The following GRM7 variants were observed in gnomAD, a reference collection of about 807,000 sequenced individuals.
The protein encoded by GRM7 is glutamate metabotropic receptor 7.
GRM7 carries 35 observed loss-of-function variants against 84.5 expected under a neutral mutation model. That is an observed-to-expected ratio of 0.41 (90% CI 0.32 to 0.55). The LOEUF (loss-of-function observed/expected upper bound fraction) is 0.55. GRM7 is among the 20% of genes least tolerant of loss of function. GRM7 has a pLI of 0.19. For missense variants in GRM7, 1,003 were observed against 1,194.6 expected, an observed-to-expected ratio of 0.84 and a Z score of 2.36; for synonymous variants, 487 against 455.1, an observed-to-expected ratio of 1.07 and a Z score of -0.89.
At chr3:6,911,858 A>T (rs1227494021) in intron 1 of GRM7, among the ~76,000 whole-genome samples, 1 of 152,232 alleles carries the variant, frequency 6.6e-6, no homozygotes, top group Non-Finnish European at 1.5e-5. Context: ...TGGAATTGAT[A>T]TGAAGCTAAG....
At chr3:7,113,702 G>A (rs538043406) in intron 1 of GRM7, among the ~76,000 whole-genome samples, 1 of 152,206 alleles carries the variant, frequency 6.6e-6, no homozygotes, top group South Asian at 2.1e-4. Flanking sequence ...TTAAATAATG[G>A]TGCATCTTAT....
At chr3:7,527,624 C>G (rs1324705621) in intron 7 of GRM7, among the ~76,000 whole-genome samples, 1 of 151,816 alleles carries the variant, frequency 6.6e-6, no homozygotes, top group Non-Finnish European at 1.5e-5. Context: ...GGGAATACTT[C>G]TATCTATCTG....
intron 1 of GRM7, among the ~76,000 whole-genome samples, chr3:6,932,403 T>C (rs1373188895): frequency 5.9e-5 from 9 of 152,146 alleles, no homozygotes; most frequent in Admixed American, 2.0e-4. Flanking sequence ...TATGTGAGCA[T>C]GAGTCTGCTG....
intron 5 of GRM7, among the ~76,000 whole-genome samples, chr3:7,447,137 G>A (rs1181982279): frequency 6.6e-6 from 1 of 152,146 alleles, no homozygotes; most frequent in Non-Finnish European, 1.5e-5. Context: ...ATGCTTCAGA[G>A]TTCTCATTTT....
chr3:7,099,453 GTACA>G (rs958761698), intron 1 of GRM7, among the ~76,000 whole-genome samples: 3 of 147,058 alleles, frequency 2.0e-5, no homozygotes, highest in Admixed American at 6.8e-5. Context: ...ATATGTACAT[GTACA>G]TACAAATACA....
At chr3:7,128,403 G>C (rs1173818196) in intron 1 of GRM7, among the ~76,000 whole-genome samples, 1 of 151,574 alleles carries the variant, frequency 6.6e-6, no homozygotes, top group Non-Finnish European at 1.5e-5. Context: ...GTCTGATCAT[G>C]ATGACATCTA....
intron 2 of GRM7, among the ~76,000 whole-genome samples, chr3:7,269,157 G>A (rs1054394486): frequency 7.2e-5 from 11 of 152,182 alleles, no homozygotes; most frequent in African/African-American, 9.7e-5. Flanking sequence ...CTTTTCCATC[G>A]AAGCACTGTT....
intron 5 of GRM7, among the ~76,000 whole-genome samples, chr3:7,443,550 A>G (rs1360578652): frequency 2.0e-5 from 3 of 152,108 alleles, no homozygotes; most frequent in Non-Finnish European, 4.4e-5. Flanking sequence ...TTGTCAAAAC[A>G]GCTTATTATT....
intron 2 of GRM7, among the ~76,000 whole-genome samples, chr3:7,224,388 C>T (rs2063883): frequency 0.9 from 137,139 of 152,220 alleles, 62,043 homozygotes; most frequent in East Asian, 1. Context: ...TATGAGAAAC[C>T]GCCCCCAGGA....
intron 2 of GRM7, among the ~76,000 whole-genome samples, chr3:7,157,244 T>C (rs1280022168): frequency 1.3e-5 from 2 of 152,058 alleles, no homozygotes; most frequent in African/African-American, 2.4e-5. Flanking sequence ...GTATGTGGGG[T>C]AGTTGACTGA....
intron 1 of GRM7, among the ~76,000 whole-genome samples, chr3:7,000,181 T>G (rs1051097127): frequency 5.4e-5 from 8 of 148,972 alleles, no homozygotes; most frequent in Non-Finnish European, 1.0e-4. Context: ...TTTTTTTTTT[T>G]TTTTTTTTTA....
chr3:7,286,709 G>T (rs1333073309), intron 2 of GRM7, among the ~76,000 whole-genome samples: 9 of 152,014 alleles, frequency 5.9e-5, no homozygotes. Context: ...AAGGATCTCT[G>T]CATGCATGTC....
chr3:7,539,674 C>CAAAAA (rs57039269), intron 7 of GRM7, among the ~76,000 whole-genome samples: 1 of 87,138 alleles, frequency 1.1e-5, no homozygotes, highest in Non-Finnish European at 2.2e-5. Flanking sequence ...GACTCTGTCT[C>CAAAAA]AAAAAAAAAA....
chr3:7,321,426 A>G (rs563936439), intron 4 of GRM7, among the ~76,000 whole-genome samples: 26 of 152,090 alleles, frequency 1.7e-4, no homozygotes, highest in Non-Finnish European at 3.5e-4. Context: ...CCAGTCCCAA[A>G]AAGTAGTGTA....
intron 4 of GRM7, among the ~76,000 whole-genome samples, chr3:7,394,049 A>G (rs1695108609): frequency 6.6e-6 from 1 of 152,114 alleles, no homozygotes; most frequent in Admixed American, 6.5e-5. Context: ...TTTTTAAGTC[A>G]TTATCATTCT....
At chr3:7,553,995 G>A (rs1428144419) in intron 7 of GRM7, among the ~76,000 whole-genome samples, 1 of 152,176 alleles carries the variant, frequency 6.6e-6, no homozygotes, top group Non-Finnish European at 1.5e-5. Context: ...ATGGGGGGTA[G>A]CTCCATAGGG....
chr3:7,211,929 TG>T (rs1397160405), intron 2 of GRM7, among the ~76,000 whole-genome samples: 2 of 151,776 alleles, frequency 1.3e-5, no homozygotes, highest in Non-Finnish European at 2.9e-5. Context: ...CCTAGCTCCG[TG>T]GCCGTTTTTG....
intron 1 of GRM7, among the ~76,000 whole-genome samples, chr3:6,974,957 T>G (rs1479359013): frequency 6.6e-6 from 1 of 152,042 alleles, no homozygotes; most frequent in Non-Finnish European, 1.5e-5. Flanking sequence ...TCTTAGGTAT[T>G]GATGTGTTTG....
intron 7 of GRM7, among the ~76,000 whole-genome samples, chr3:7,550,008 A>T (rs1412697477): frequency 6.6e-6 from 1 of 152,138 alleles, no homozygotes; most frequent in Non-Finnish European, 1.5e-5. Flanking sequence ...TTGCATATCC[A>T]AGTAAATAAA....
Sources: allele counts gnomAD v4.1 joint callset (sites outside exome capture counted in the v4.1 genomes callset), GRCh38; gene constraint gnomAD v4.1.1; transcripts MANE v1.5; gene names NCBI Gene and HGNC (gene_info 2026-07-23, HGNC 2026-07-21).